The following RARB variants were observed in gnomAD, a reference collection of about 807,000 sequenced individuals.
The protein encoded by RARB is retinoic acid receptor beta.
A neutral mutation model predicts 51.9 loss-of-function variants in RARB; 17 were observed. The observed-to-expected ratio is 0.33, with a 90% CI of 0.22 to 0.49. RARB has a LOEUF of 0.49. Ranked by LOEUF, RARB falls within the 20% of genes least tolerant of loss-of-function variation. RARB has a pLI of 0.99. For synonymous variants in RARB, 215 were observed against 195.4 expected, an observed-to-expected ratio of 1.10 and a Z score of -0.84; for missense variants, 369 against 550.8, an observed-to-expected ratio of 0.67 and a Z score of 3.30.
At chr3:24,958,255 G>GTTT (rs71057692) in intron 2 of RARB, among the ~76,000 whole-genome samples, 2,401 of 69,162 alleles carry the variant, frequency 0.035, 438 homozygotes, top group Non-Finnish European at 0.05. Context: ...AGCTGCTCAG[G>GTTT]TTTTTTTTTT....
At chr3:24,975,528 T>G (rs924345512) in intron 2 of RARB, among the ~76,000 whole-genome samples, 1 of 152,162 alleles carries the variant, frequency 6.6e-6, no homozygotes, top group Admixed American at 6.6e-5. Flanking sequence ...AGAAAGAGAA[T>G]ACATACATTT....
At chr3:25,026,168 G>A (rs1379333306) in intron 2 of RARB, among the ~76,000 whole-genome samples, 2 of 152,188 alleles carry the variant, frequency 1.3e-5, no homozygotes, top group African/African-American at 2.4e-5. Flanking sequence ...TGTGGCATAT[G>A]AGGAAAGGGG....
At chr3:25,570,385 CCA>C (rs1168678878) in intron 4 of RARB, among the ~76,000 whole-genome samples, 1 of 152,184 alleles carries the variant, frequency 6.6e-6, no homozygotes, top group African/African-American at 2.4e-5. Context: ...TGAAATCCAA[CCA>C]AGATAAAGAG....
intron 3 of RARB, among the ~76,000 whole-genome samples, chr3:25,082,142 T>C (rs1442501754): frequency 5.3e-5 from 8 of 152,150 alleles, no homozygotes; most frequent in Admixed American, 3.9e-4. Flanking sequence ...TGTGTACTTA[T>C]ATTTTAAATT....
chr3:25,270,796 T>G (rs1016075467), intron 5 of RARB, among the ~76,000 whole-genome samples: 1 of 152,232 alleles, frequency 6.6e-6, no homozygotes, highest in Non-Finnish European at 1.5e-5. Flanking sequence ...GTGTGGTGTT[T>G]AAGGTTGTAA....
In RARB at chr3:24,868,137, T is replaced by C. The variant is rs188994760; in HGVS notation, c.-380+9385T>C. 2.4e-3 allele frequency among the ~76,000 whole-genome samples: 361 copies of C among 152,302 alleles called. 1 individual carries two copies. The highest frequency in any genetic ancestry group is 8.2e-3 in the African/African-American group (341 of 41,588). On this transcript the variant is annotated intron_variant, in intron 2 of 11. Coordinates refer to the RARB transcript ENST00000383772. ...GGCTGTGTTAGCACTTACTCTTCAA[T>C]CTTTTTAATGTAGCTTCAATAAAAC...
chr3:25,262,843 A>G (rs1703038451), intron 5 of RARB, among the ~76,000 whole-genome samples: 1 of 152,280 alleles, frequency 6.6e-6, no homozygotes, highest in South Asian at 2.1e-4. Context: ...GCCTGTCACA[A>G]TATCTCTCAG....
intron 5 of RARB, among the ~76,000 whole-genome samples, chr3:25,202,692 A>T (rs905415815): frequency 6.6e-6 from 1 of 152,056 alleles, no homozygotes; most frequent in Admixed American, 6.5e-5. Flanking sequence ...TTTGTTATAT[A>T]CCCACTAGTC....
At chr3:25,445,673 A>T (rs1708899248) in intron 1 of RARB, among the ~76,000 whole-genome samples, 1 of 152,192 alleles carries the variant, frequency 6.6e-6, no homozygotes, top group South Asian at 2.1e-4. Flanking sequence ...TCTCAAAAAA[A>T]AATAATAAGG....
intron 5 of RARB, among the ~76,000 whole-genome samples, chr3:25,215,175 G>A (rs998064151): frequency 3.3e-5 from 5 of 152,186 alleles, no homozygotes; most frequent in South Asian, 2.1e-4. Context: ...GTTTGGTTTT[G>A]GATGAAGCCT....
intron 1 of RARB, among the ~76,000 whole-genome samples, chr3:25,455,243 G>C (rs75959251): frequency 0.019 from 2,867 of 152,244 alleles, 97 homozygotes; most frequent in African/African-American, 0.061. Flanking sequence ...TGGAGCTTGT[G>C]CTTTGGACGT....
At chr3:25,212,291 C>A (rs1409429682) in intron 5 of RARB, among the ~76,000 whole-genome samples, 1 of 152,090 alleles carries the variant, frequency 6.6e-6, no homozygotes, top group Non-Finnish European at 1.5e-5. Flanking sequence ...ATAATTTTAA[C>A]AACTTTCTAT....
intron 2 of RARB, among the ~76,000 whole-genome samples, chr3:25,011,879 A>C (rs1697405559): frequency 6.6e-6 from 1 of 152,050 alleles, no homozygotes; most frequent in African/African-American, 2.4e-5. Context: ...AGAGCTCTGA[A>C]TCTTGATCCA....
chr3:25,279,005 T>C (rs1703458649), intron 5 of RARB, among the ~76,000 whole-genome samples: 1 of 152,202 alleles, frequency 6.6e-6, no homozygotes, highest in Admixed American at 6.6e-5. Flanking sequence ...TTTGCACTCA[T>C]AGCCAGTTAC....
chr3:24,980,991 G>A lies in RARB; in HGVS notation c.-379-79134G>A, dbSNP rs375146568. On this transcript the variant is annotated intron_variant, in intron 2 of 11. Coordinates refer to the RARB transcript ENST00000383772. ...TGTTGATGCTGATGCTATTCCTTTC[G>A]TTTTGTTAGTTTTCCTTCTAACAGA... Among the ~76,000 whole-genome samples the A allele has an allele frequency of 2.2e-4, 33 of 150,564 alleles. 1 individual carries two copies. Among genetic ancestry groups the A allele is most frequent in the African/African-American group, 4.8e-4 (20 of 41,506 alleles).
At chr3:25,579,186 C>T (rs1425779267) in intron 4 of RARB, among the ~76,000 whole-genome samples, 2 of 152,156 alleles carry the variant, frequency 1.3e-5, no homozygotes, top group East Asian at 1.9e-4. Flanking sequence ...AATTGGTTGT[C>T]AGTTTTCTCA....
intron 5 of RARB, among the ~76,000 whole-genome samples, chr3:25,244,392 A>C (rs1702505111): frequency 1.4e-5 from 2 of 143,722 alleles, no homozygotes; most frequent in Non-Finnish European, 3.0e-5. Flanking sequence ...TAGTTCTTTT[A>C]ATTGTGATGT....
At chr3:25,203,762 C>A (rs1003555854) in intron 5 of RARB, among the ~76,000 whole-genome samples, 7 of 152,182 alleles carry the variant, frequency 4.6e-5, no homozygotes, top group Admixed American at 3.9e-4. Context: ...TATTGGCCCC[C>A]ACTCTCTTCT....
Position 25,106,451 on chromosome 3 carries a change from G to GGTTTTTTTTTT in RARB, c.-327-25710_-327-25709insGTTTTTTTTTT, listed in dbSNP as rs1575163102. On this transcript the variant is annotated intron_variant, in intron 3 of 11. Coordinates refer to the RARB transcript ENST00000383772. ...CCACCATGCCCAGCTACTGTTTTTT[G>GGTTTTTTTTTT]TTTTTTGTTTTTTTTTGTTTTGTTT... Among the ~76,000 whole-genome samples, 307 of 70,384 alleles carry GGTTTTTTTTTT rather than the reference G, an allele frequency of 4.4e-3. 26 individuals carry two copies. Among genetic ancestry groups the GGTTTTTTTTTT allele is most frequent in the African/African-American group, 0.017 (279 of 16,034 alleles). 46.2% of individuals were successfully genotyped at this position (70,384 alleles called of 152,430 possible).
Sources: gnomAD v4.1 joint callset for allele counts (sites outside exome capture counted in the v4.1 genomes callset) on GRCh38, gnomAD v4.1.1 for gene constraint, MANE v1.5 for transcripts, NCBI Gene and HGNC (gene_info 2026-07-23, HGNC 2026-07-21) for gene names.